The following ALKBH5 variants were observed in gnomAD, a reference collection of about 807,000 sequenced individuals.
The protein encoded by ALKBH5 is alkB homolog 5, RNA demethylase.
Under a neutral mutation model 32.1 loss-of-function variants are expected in ALKBH5, and 2 were observed. That is an observed-to-expected ratio of 0.06 (90% CI 0.03 to 0.20). ALKBH5 has a LOEUF of 0.20. Ranked by LOEUF, ALKBH5 falls within the 10% of genes least tolerant of loss-of-function variation. ALKBH5 has a pLI of 1.00. For synonymous variants in ALKBH5, 300 were observed against 231.7 expected (o/e 1.29, Z -2.68); for missense variants, 352 against 559.5 (o/e 0.63, Z 3.74).
chr17:18,184,160 G>C lies in ALKBH5; in HGVS notation c.-84G>C. 1.6e-6 allele frequency: 2 copies of C among 1,253,250 alleles called. No homozygotes were observed. Among genetic ancestry groups the C allele is most frequent in the Non-Finnish European group, 2.2e-6 (2 of 929,572 alleles). 77.6% of individuals were successfully genotyped at this position (1,253,250 alleles called of 1,614,324 possible). A position where few individuals can be genotyped will look rare whatever the true frequency, so the allele number is the denominator to read the frequency against. On this transcript the variant is annotated 5_prime_UTR_variant, in exon 1 of 4. Transcript: ENST00000399138. ...CGGCGCTAAGGACCCCCCTCCCTCC[G>C]GGGGCCCCGGGGCGCGTCCCCTTAG...
rs563569200 is a variant in ALKBH5, at chr17:18,209,563, C to T, written c.*1167C>T. ...AGGTAAAGTCTTTGGTAGCTTCTAT[C>T]CACTCAGATCCTGGAAGGCAGCAAG... On this transcript the variant is annotated 3_prime_UTR_variant, in exon 4 of 4. Transcript: ENST00000399138. 21 of 152,220 alleles carry T rather than the reference C, an allele frequency of 1.4e-4. No individual in the cohort carries two copies. The highest frequency in any genetic ancestry group is 5.1e-4 in the African/African-American group (21 of 41,454). The allele number at this position is 152,220 out of a possible 1,614,324, so 9.4% of individuals were successfully genotyped here.
intron 2 of ALKBH5, among the ~76,000 whole-genome samples, chr17:18,200,191 A>G (rs2142483542): frequency 6.6e-6 from 1 of 151,650 alleles, no homozygotes; most frequent in East Asian, 1.9e-4. Flanking sequence ...CCCCTGAGCT[A>G]GAAATTGCTG....
chr17:18,194,431 G>A (rs1046334821), intron 1 of ALKBH5, among the ~76,000 whole-genome samples: 6 of 152,200 alleles, frequency 3.9e-5, no homozygotes, highest in Non-Finnish European at 7.3e-5. Flanking sequence ...TAGGATTACA[G>A]GCATGAGCCA....
intron 1 of ALKBH5, among the ~76,000 whole-genome samples, chr17:18,189,115 C>T (rs891846443): frequency 2.0e-5 from 3 of 151,656 alleles, no homozygotes; most frequent in Admixed American, 6.6e-5. Flanking sequence ...CGGTGGCTCA[C>T]GCCTGTAATC....
rs2047115704 is a variant in ALKBH5, at chr17:18,183,861, T to G, written c.-383T>G. 52 of 345,040 alleles carry G rather than the reference T, an allele frequency of 1.5e-4. 1 individual carries two copies. Among genetic ancestry groups the G allele is most frequent in the South Asian group, 1.1e-3 (51 of 45,932 alleles). 21.4% of individuals were successfully genotyped at this position (345,040 alleles called of 1,614,324 possible). A position where few individuals can be genotyped will look rare whatever the true frequency, so the allele number is the denominator to read the frequency against. ...CGCTAAGGAGCGGCGCTGGCGGACG[T>G]CGGGCTGGCTGCCCGTGACGTCGTG... On this transcript the variant is annotated 5_prime_UTR_variant, in exon 1 of 4. Coordinates refer to ENST00000399138, the MANE Select transcript of ALKBH5 (RefSeq NM_017758.4).
intron 2 of ALKBH5, among the ~76,000 whole-genome samples, chr17:18,201,998 G>A (rs114476017): frequency 9.9e-4 from 150 of 151,992 alleles, no homozygotes; most frequent in African/African-American, 3.5e-3. Flanking sequence ...CTGGGTGATA[G>A]ACCTTGTTTC....
At chr17:18,202,645 G>T (rs919836496) in intron 2 of ALKBH5, among the ~76,000 whole-genome samples, 1 of 152,144 alleles carries the variant, frequency 6.6e-6, no homozygotes, top group Admixed American at 6.5e-5. Flanking sequence ...GCTGGGGACT[G>T]CCCTCGCTCC....
chr17:18,193,236 G>A (rs371905889), intron 1 of ALKBH5, among the ~76,000 whole-genome samples: 70 of 944 alleles, frequency 0.074, no homozygotes, highest in African/African-American at 0.091. Context: ...CAGCTTGAGG[G>A]AGAAGGTGGA....
chr17:18,197,883 G>A lies in ALKBH5; in HGVS notation c.851+2848G>A, dbSNP rs140868178. 3.9e-3 allele frequency among the ~76,000 whole-genome samples: 599 copies of A among 152,306 alleles called. 11 individuals carry two copies. Among genetic ancestry groups the A allele is most frequent in the East Asian group, 3.9e-3 (20 of 5,188 alleles). On this transcript the variant is annotated intron_variant, in intron 2 of 3. Coordinates refer to ENST00000399138, the MANE Select transcript of ALKBH5 (RefSeq NM_017758.4). ...GTGTAAGGGGACTGGAGAAGAGTGG[G>A]AGGATGTCCCAGCTTCCCCAGGTAG...
intron 2 of ALKBH5, among the ~76,000 whole-genome samples, chr17:18,201,996 T>C (rs1233674751): frequency 1.3e-5 from 2 of 151,408 alleles, no homozygotes; most frequent in African/African-American, 4.9e-5. Flanking sequence ...GGCTGGGTGA[T>C]AGACCTTGTT....
intron 1 of ALKBH5, among the ~76,000 whole-genome samples, chr17:18,188,220 CAG>C (rs1418058310): frequency 6.6e-6 from 1 of 152,246 alleles, no homozygotes; most frequent in Non-Finnish European, 1.5e-5. Flanking sequence ...CAGATTAAAA[CAG>C]ACTCTGATTG....
chr17:18,209,019 GC>G lies in ALKBH5; in HGVS notation c.*629del, dbSNP rs2047288309. ...CCTGCCATCCCAAAGCTATTGTTAA[GC>G]CCCCCAGGCGTCCTCCACCCACGCC... On this transcript the variant is annotated 3_prime_UTR_variant, in exon 4 of 4. Coordinates refer to ENST00000399138, the MANE Select transcript of ALKBH5 (RefSeq NM_017758.4). 1 of 167,012 alleles carries G rather than the reference GC, an allele frequency of 6.0e-6. No homozygotes were observed. Among genetic ancestry groups the G allele is most frequent in the Non-Finnish European group, 1.3e-5 (1 of 76,682 alleles). 10.3% of individuals were successfully genotyped at this position (167,012 alleles called of 1,614,324 possible). A position where few individuals can be genotyped will look rare whatever the true frequency, so the allele number is the denominator to read the frequency against.
chr17:18,198,352 A>G (rs578026339), intron 2 of ALKBH5, among the ~76,000 whole-genome samples: 18 of 152,344 alleles, frequency 1.2e-4, no homozygotes, highest in East Asian at 3.9e-4. Context: ...GGAGGCATCA[A>G]CTAGTGTGGA....
intron 2 of ALKBH5, among the ~76,000 whole-genome samples, chr17:18,201,794 A>AGGATAGATTAGATAGATAGAT (rs1491101824): frequency 7.4e-6 from 1 of 134,416 alleles, no homozygotes. Flanking sequence ...TAGGATAGAT[A>AGGATAGATTAGATAGATAGAT]AGATAGATAG....
At chr17:18,186,740 C>G (rs914920209) in intron 1 of ALKBH5, among the ~76,000 whole-genome samples, 1 of 152,178 alleles carries the variant, frequency 6.6e-6, no homozygotes, top group Non-Finnish European at 1.5e-5. Context: ...CAGTCCCTGT[C>G]AACCCTTTCT....
At chr17:18,195,768 G>C (rs1039312541) in intron 2 of ALKBH5, among the ~76,000 whole-genome samples, 3 of 152,168 alleles carry the variant, frequency 2.0e-5, no homozygotes, top group African/African-American at 7.2e-5. Flanking sequence ...CTCCCCAGTA[G>C]CTGGGAATAG....
chr17:18,208,627 G>A lies in ALKBH5; in HGVS notation c.*231G>A. On this transcript the variant is annotated 3_prime_UTR_variant, in exon 4 of 4. Transcript: ENST00000399138. ...ATTCCTCCTGGATGGAAAGGCTGTT[G>A]GCATCAATAGGGGACAGAGGCTGAT... is the stretch of plus-strand genomic sequence containing the variant. 1 of 637,050 alleles carries A rather than the reference G, an allele frequency of 1.6e-6. No individual in the cohort carries two copies. The highest frequency in any genetic ancestry group is 2.8e-6 in the Non-Finnish European group (1 of 354,936). The allele number at this position is 637,050 out of a possible 1,614,324, so 39.5% of individuals were successfully genotyped here.
intron 2 of ALKBH5, among the ~76,000 whole-genome samples, chr17:18,204,614 T>C (rs1346785049): frequency 6.6e-6 from 1 of 151,944 alleles, no homozygotes; most frequent in South Asian, 2.1e-4. Flanking sequence ...ATATAAAAAT[T>C]AGCCGAGTGT....
chr17:18,205,086 C>T (rs4603612), intron 2 of ALKBH5, among the ~76,000 whole-genome samples: 50,073 of 152,054 alleles, frequency 0.33, 8,981 homozygotes, highest in Non-Finnish European at 0.41. Flanking sequence ...TTCTATTTCA[C>T]ATACTCATCT....
Sources: allele counts gnomAD v4.1 joint callset (sites outside exome capture counted in the v4.1 genomes callset), GRCh38; gene constraint gnomAD v4.1.1; transcripts MANE v1.5; gene names NCBI Gene and HGNC (gene_info 2026-07-23, HGNC 2026-07-21).